Variants in SKI observed in about 807,000 individuals in gnomAD.
SKI encodes the protein SKI proto-oncogene.
SKI carries 23 observed loss-of-function variants against 59.3 expected under a neutral mutation model. The observed-to-expected ratio is 0.39, with a 90% confidence interval of 0.28 to 0.55. The LOEUF (loss-of-function observed/expected upper bound fraction) is 0.55, where lower values mean the gene tolerates loss of function less well. Ranked by LOEUF, SKI falls within the 20% of genes least tolerant of loss-of-function variation. The pLI is 0.67. For synonymous variants in SKI, 673 were observed against 488.6 expected (o/e 1.38, Z -4.98); for missense variants, 1,017 against 1,038.9 (o/e 0.98, Z 0.29).
At chr1:2,297,345 G>T (rs1640309245) in intron 1 of SKI, among the ~76,000 whole-genome samples, 1 of 152,238 alleles carries the variant, frequency 6.6e-6, no homozygotes, top group Admixed American at 6.5e-5. Flanking sequence ...GAGAACCTCA[G>T]CGTAGCAGAG....
In SKI at chr1:2,254,770, G is replaced by T. The variant is rs532716821; in HGVS notation, c.969+25035G>T. Among the ~76,000 whole-genome samples the T allele has an allele frequency of 1.1e-4, 16 of 152,272 alleles. No individual in the cohort carries two copies. In the South Asian group the frequency reaches 2.1e-3, roughly 20 times the overall value. ...TGTGTGATGCGCAGGGCATTTGCTG[G>T]TGGAATAGCACGGGCCATTGGCATT... On this transcript the variant is annotated intron_variant, in intron 1 of 6. Transcript: ENST00000378536.
chr1:2,233,456 C>T (rs528137404), intron 1 of SKI, among the ~76,000 whole-genome samples: 2 of 152,230 alleles, frequency 1.3e-5, no homozygotes, highest in South Asian at 4.2e-4. Context: ...CCTGCAGATG[C>T]CTGAATTCCC....
chr1:2,290,737 C>T (rs1045431860), intron 1 of SKI, among the ~76,000 whole-genome samples: 2 of 152,168 alleles, frequency 1.3e-5, no homozygotes, highest in Non-Finnish European at 2.9e-5. Flanking sequence ...CCCCAGCTAG[C>T]GCTTGGGTGA....
In SKI at chr1:2,229,356, C is replaced by G. The variant is rs749291332; in HGVS notation, c.590C>G (p.Pro197Arg). Residue 197 changes from proline to arginine, a missense_variant, in exon 1 of 7, where the codon CCG becomes CGG. By Grantham distance (103) the Pro-to-Arg change is moderately radical (BLOSUM62 -2). Transcript: ENST00000378536. This position sits in a 1 kb window ranked among gnomAD's most constrained non-coding sequence, Gnocchi z 6.3. ...CTGCTCTACGGCGGCGCCTACCCGC[C>G]GCCCTGCAAGAAGGAGCTGGCCGCC... ...NALLYGGAYPPPCKKELAASL... is the reference protein window; with the variant it reads ...NALLYGGAYPRPCKKELAASL... 4 of 1,597,536 alleles carry G rather than the reference C, an allele frequency of 2.5e-6. No homozygotes were observed. Among genetic ancestry groups the G allele is most frequent in the Non-Finnish European group, 3.4e-6 (4 of 1,172,438 alleles).
At chr1:2,241,212 T>C (rs541107864) in intron 1 of SKI, among the ~76,000 whole-genome samples, 15 of 152,338 alleles carry the variant, frequency 9.8e-5, no homozygotes, top group African/African-American at 3.4e-4. Flanking sequence ...ACTGTCATTA[T>C]GAACTTGCGG....
At chr1:2,266,910 G>A (rs1639511767) in intron 1 of SKI, among the ~76,000 whole-genome samples, 1 of 152,192 alleles carries the variant, frequency 6.6e-6, no homozygotes, top group African/African-American at 2.4e-5. Context: ...ATGTTGAGAT[G>A]GCCCTGGAGG....
chr1:2,306,819 G>C lies in SKI; in HGVS notation c.*54G>C. The C allele has an allele frequency of 7.7e-7, 1 of 1,298,860 alleles. No homozygotes were observed. Among genetic ancestry groups the C allele is most frequent in the Non-Finnish European group, 9.9e-7 (1 of 1,008,436 alleles). 80.5% of individuals were successfully genotyped at this position (1,298,860 alleles called of 1,614,324 possible). Reference sequence around the variant, plus strand: ...GACAACGCGGGTGCAGGGGGGCGCGGCTGGGCGGTGCAGCTCCGCCCGGCT... The same window carrying C: ...GACAACGCGGGTGCAGGGGGGCGCGCCTGGGCGGTGCAGCTCCGCCCGGCT... On this transcript the variant is annotated 3_prime_UTR_variant, in exon 7 of 7. Coordinates refer to ENST00000378536, the MANE Select transcript of SKI (RefSeq NM_003036.4).
At chr1:2,287,485 C>A (rs796207673) in intron 1 of SKI, among the ~76,000 whole-genome samples, 63 of 151,824 alleles carry the variant, frequency 4.1e-4, no homozygotes, top group Middle Eastern at 3.4e-3. Context: ...TACAGGTGCC[C>A]GCCACCACGC....
rs1043780471 is a variant in SKI, at chr1:2,267,806, G to A, written c.970-35172G>A. ...CCAGGACACGGGTCCACGGTCACAC[G>A]GTCTCCAAATGAGCAGGAACACCTT... On this transcript the variant is annotated intron_variant, in intron 1 of 6. Coordinates refer to ENST00000378536, the MANE Select transcript of SKI (RefSeq NM_003036.4). This position sits in a 1 kb window ranked among gnomAD's most constrained non-coding sequence, Gnocchi z 4.1. Among the ~76,000 whole-genome samples the A allele has an allele frequency of 5.3e-5, 8 of 152,178 alleles. No homozygotes were observed. The highest frequency in any genetic ancestry group is 8.8e-5 in the Non-Finnish European group (6 of 68,016).
At chr1:2,295,307 C>T (rs768831884) in intron 1 of SKI, among the ~76,000 whole-genome samples, 21 of 152,334 alleles carry the variant, frequency 1.4e-4, no homozygotes, top group Middle Eastern at 3.4e-3. Flanking sequence ...CTCTGAGGGC[C>T]GTGCTGCAGT....
chr1:2,285,348 A>G (rs1390758291), intron 1 of SKI, among the ~76,000 whole-genome samples: 1 of 151,928 alleles, frequency 6.6e-6, no homozygotes, highest in Non-Finnish European at 1.5e-5. Context: ...CCCAATCTCT[A>G]CTGAAAATAC....
Position 2,267,668 on chromosome 1 carries a change from G to C in SKI, c.970-35310G>C, listed in dbSNP as rs1482878996. 6.6e-6 allele frequency among the ~76,000 whole-genome samples: 1 copy of C among 152,186 alleles called. No individual in the cohort carries two copies. Among genetic ancestry groups the C allele is most frequent in the Non-Finnish European group, 1.5e-5 (1 of 68,024 alleles). Reference sequence around the variant, plus strand: ...CTGGGAAAGGCTTGTTGTGGGGGCGGGGGGCGCACCACACTTCAGGGATGC... The same window carrying C: ...CTGGGAAAGGCTTGTTGTGGGGGCGCGGGGCGCACCACACTTCAGGGATGC... On this transcript the variant is annotated intron_variant, in intron 1 of 6. Coordinates refer to ENST00000378536, the MANE Select transcript of SKI (RefSeq NM_003036.4). This position sits in a 1 kb window ranked among gnomAD's most constrained non-coding sequence, Gnocchi z 4.1.
At chr1:2,236,909 A>AAAC (rs1238815331) in intron 1 of SKI, among the ~76,000 whole-genome samples, 1 of 152,216 alleles carries the variant, frequency 6.6e-6, no homozygotes, top group Non-Finnish European at 1.5e-5. Context: ...ACTTAGAAAG[A>AAAC]AACAGCTCCT....
intron 1 of SKI, among the ~76,000 whole-genome samples, chr1:2,230,995 G>C (rs1297226825): frequency 6.6e-6 from 1 of 152,082 alleles, no homozygotes; most frequent in African/African-American, 2.4e-5. Context: ...TTGTGTGTGC[G>C]CGCTTCTGAC....
chr1:2,292,531 C>T (rs1329463778), intron 1 of SKI, among the ~76,000 whole-genome samples: 1 of 152,178 alleles, frequency 6.6e-6, no homozygotes, highest in Non-Finnish European at 1.5e-5. Flanking sequence ...AGCTGTGTAG[C>T]CCACACCCCC....
At chr1:2,258,364 G>T (rs1385742481) in intron 1 of SKI, among the ~76,000 whole-genome samples, 1 of 152,166 alleles carries the variant, frequency 6.6e-6, no homozygotes, top group Non-Finnish European at 1.5e-5. Flanking sequence ...CCCTAGGGAG[G>T]ATGGGACAGT....
chr1:2,278,592 G>T (rs1639798506), intron 1 of SKI, among the ~76,000 whole-genome samples: 1 of 152,040 alleles, frequency 6.6e-6, no homozygotes, highest in Non-Finnish European at 1.5e-5. Flanking sequence ...TGTGGTGAGG[G>T]CTTCCCCAGA....
chr1:2,298,484 CCCGGG>C (rs1640344705), intron 1 of SKI, among the ~76,000 whole-genome samples: 1 of 152,168 alleles, frequency 6.6e-6, no homozygotes, highest in Admixed American at 6.5e-5. Context: ...GTGGCCTGTC[CCCGGG>C]CCGGATGGCT....
chr1:2,279,688 C>A (rs1639829968), intron 1 of SKI, among the ~76,000 whole-genome samples: 1 of 152,160 alleles, frequency 6.6e-6, no homozygotes, highest in Non-Finnish European at 1.5e-5. Flanking sequence ...GTGGCCCAGC[C>A]CCACAGACAG....
Sources: gnomAD v4.1 joint callset for allele counts (sites outside exome capture counted in the v4.1 genomes callset) on GRCh38, gnomAD v4.1.1 for gene constraint, Gnocchi (gnomAD v3.1) non-coding constraint, MANE v1.5 for transcripts, NCBI Gene and HGNC (gene_info 2026-07-23, HGNC 2026-07-21) for gene names.